MEI4: variants seen among roughly 807,000 people sequenced by gnomAD.
The protein encoded by MEI4 is meiosis-specific protein MEI4.
Under a neutral mutation model 31.4 loss-of-function variants are expected in MEI4, and 27 were observed. That is an observed-to-expected ratio of 0.86 (90% CI 0.63 to 1.19). MEI4 has a LOEUF of 1.19. Ranked by LOEUF, MEI4 falls within the 50% of genes most tolerant of loss-of-function variation. MEI4 has a pLI of 0.00. For synonymous variants in MEI4, 122 were observed against 145.4 expected (o/e 0.84, Z 1.16); for missense variants, 329 against 398.9 (o/e 0.82, Z 1.49).
Position 77,761,280 on chromosome 6 carries a change from C to T in MEI4, c.383C>T (p.Thr128Ile). 2.4e-6 allele frequency: 3 copies of T among 1,232,666 alleles called. No individual in the cohort carries two copies. The highest frequency in any genetic ancestry group is 3.0e-6 in the Non-Finnish European group (3 of 988,066). 76.4% of individuals were successfully genotyped at this position (1,232,666 alleles called of 1,614,324 possible). ...SQHFVESCTPTHFPPLPLVKR... is the reference protein window; with the variant it reads ...SQHFVESCTPIHFPPLPLVKR... Reference sequence around the variant, plus strand: ...CACTTTGTGGAAAGCTGTACCCCCACTCACTTTCCACCACTGCCTCTTGTG... The same window carrying T: ...CACTTTGTGGAAAGCTGTACCCCCATTCACTTTCCACCACTGCCTCTTGTG... The change falls in exon 3 of 5, where the codon ACT (threonine) becomes ATT (isoleucine). Residue 128 changes from threonine (T) to isoleucine (I), a missense_variant. Coordinates refer to ENST00000684080, the MANE Select transcript of MEI4 (RefSeq NM_001322247.2).
chr6:77,692,181 G>A (rs1299395967), intron 2 of MEI4, among the ~76,000 whole-genome samples: 2 of 151,898 alleles, frequency 1.3e-5, no homozygotes, highest in Non-Finnish European at 2.9e-5. Context: ...ACTCTTTGAG[G>A]CTGGTTTCTT....
At chr6:77,669,676 T>C (rs920123641) in intron 1 of MEI4, among the ~76,000 whole-genome samples, 1 of 152,238 alleles carries the variant, frequency 6.6e-6, no homozygotes, top group African/African-American at 2.4e-5. Context: ...TCCTCCTAAA[T>C]ATACGTGTCT....
chr6:77,883,146 AAAGAT>A (rs568052414), intron 4 of MEI4, among the ~76,000 whole-genome samples: 129 of 152,286 alleles, frequency 8.5e-4, no homozygotes, highest in African/African-American at 3.0e-3. Context: ...TATCTGAAAA[AAAGAT>A]GAGAAGAGCT....
chr6:77,783,639 G>A (rs952230312), intron 3 of MEI4, among the ~76,000 whole-genome samples: 1 of 151,486 alleles, frequency 6.6e-6, no homozygotes, highest in Non-Finnish European at 1.5e-5. Flanking sequence ...AAAGTAAGAA[G>A]CCTCTTTTTT....
At chr6:77,826,497 C>T (rs556976828) in intron 3 of MEI4, among the ~76,000 whole-genome samples, 4 of 152,272 alleles carry the variant, frequency 2.6e-5, no homozygotes, top group Non-Finnish European at 5.9e-5. Flanking sequence ...TTATATACTA[C>T]TCTGGCCCCT....
At chr6:77,792,052 T>C (rs962724604) in intron 3 of MEI4, among the ~76,000 whole-genome samples, 1 of 152,238 alleles carries the variant, frequency 6.6e-6, no homozygotes. Flanking sequence ...TATTTGTCTT[T>C]TTGTGCCTTG....
chr6:77,835,066 C>G (rs1476158762), intron 4 of MEI4, among the ~76,000 whole-genome samples: 2 of 151,060 alleles, frequency 1.3e-5, no homozygotes, highest in Non-Finnish European at 1.5e-5. Flanking sequence ...TCCCACCAGC[C>G]TGATCGAACC....
intron 3 of MEI4, among the ~76,000 whole-genome samples, chr6:77,808,090 A>G (rs944898930): frequency 6.6e-6 from 1 of 152,150 alleles, no homozygotes; most frequent in Non-Finnish European, 1.5e-5. Context: ...CAGTTCTGTT[A>G]TTGCCTGTTG....
intron 2 of MEI4, among the ~76,000 whole-genome samples, chr6:77,757,546 G>A (rs1333387711): frequency 6.6e-6 from 1 of 152,164 alleles, no homozygotes; most frequent in Non-Finnish European, 1.5e-5. Flanking sequence ...GAGTGGATGT[G>A]GCTTGCCAAA....
At chr6:77,657,791 C>G (rs1486406364) in intron 1 of MEI4, among the ~76,000 whole-genome samples, 1 of 152,206 alleles carries the variant, frequency 6.6e-6, no homozygotes, top group Non-Finnish European at 1.5e-5. Flanking sequence ...ATTATATGCT[C>G]TCTGCTCTGT....
intron 4 of MEI4, among the ~76,000 whole-genome samples, chr6:77,885,447 C>T (rs1204948106): frequency 6.6e-6 from 1 of 152,094 alleles, no homozygotes; most frequent in Non-Finnish European, 1.5e-5. Context: ...TCACGTCAGC[C>T]TCCCAAAGTG....
intron 1 of MEI4, among the ~76,000 whole-genome samples, chr6:77,661,680 G>A (rs1768513001): frequency 6.6e-6 from 1 of 152,184 alleles, no homozygotes; most frequent in Non-Finnish European, 1.5e-5. Flanking sequence ...CGGGCTAGCG[G>A]CTTGTAACCT....
At chr6:77,705,990 G>T (rs983356797) in intron 2 of MEI4, among the ~76,000 whole-genome samples, 2 of 152,064 alleles carry the variant, frequency 1.3e-5, no homozygotes, top group African/African-American at 4.8e-5. Context: ...GTGGTGCTTT[G>T]GTATGCTGAG....
At chr6:77,731,184 A>T (rs1766978473) in intron 2 of MEI4, among the ~76,000 whole-genome samples, 1 of 151,070 alleles carries the variant, frequency 6.6e-6, no homozygotes, top group East Asian at 1.9e-4. Flanking sequence ...CTAGTTCTAG[A>T]TCCCTGAGGA....
chr6:77,874,436 G>T (rs1670843727), intron 4 of MEI4, among the ~76,000 whole-genome samples: 1 of 152,166 alleles, frequency 6.6e-6, no homozygotes, highest in South Asian at 2.1e-4. Flanking sequence ...GAATGCTTGT[G>T]ATTTTTGCAC....
chr6:77,852,913 T>C (rs1198477233), intron 4 of MEI4, among the ~76,000 whole-genome samples: 1 of 152,094 alleles, frequency 6.6e-6, no homozygotes, highest in Admixed American at 6.6e-5. Context: ...TAAGACAGAT[T>C]AGGCCGGGTG....
intron 4 of MEI4, among the ~76,000 whole-genome samples, chr6:77,919,437 T>G (rs1766648168): frequency 6.6e-6 from 1 of 152,014 alleles, no homozygotes; most frequent in African/African-American, 2.4e-5. Flanking sequence ...ATAAAGATGT[T>G]CTTTGAAACC....
intron 4 of MEI4, among the ~76,000 whole-genome samples, chr6:77,894,167 G>A (rs1766026813): frequency 6.6e-6 from 1 of 152,112 alleles, no homozygotes; most frequent in South Asian, 2.1e-4. Context: ...TATGTAGAAT[G>A]TGACAAAGTG....
chr6:77,777,802 A>G (rs1347543004), intron 3 of MEI4, among the ~76,000 whole-genome samples: 3 of 152,278 alleles, frequency 2.0e-5, no homozygotes, highest in African/African-American at 4.8e-5. Context: ...TTTAAAATGC[A>G]TATATTCTCA....
Sources: allele counts gnomAD v4.1 joint callset (sites outside exome capture counted in the v4.1 genomes callset), GRCh38; gene constraint gnomAD v4.1.1; transcripts MANE v1.5; gene names NCBI Gene and HGNC (gene_info 2026-07-23, HGNC 2026-07-21).